Variants in TNR observed in about 807,000 individuals in gnomAD.
The protein encoded by TNR is tenascin R.
TNR carries 45 observed loss-of-function variants against 150.4 expected under a neutral mutation model. The ratio of observed to expected loss-of-function variants is 0.30; its 90% CI spans 0.24 to 0.38. The LOEUF is 0.38. Ranked by LOEUF, TNR falls within the 10% of genes least tolerant of loss-of-function variation. TNR has a pLI of 1.00. For synonymous variants in TNR, 687 were observed against 678.4 expected (o/e 1.01, Z -0.20); for missense variants, 1,544 against 1,759.1 (o/e 0.88, Z 2.19).
At chr1:175,406,090 G>T in intron 3 of TNR, 126 bp downstream of exon 3, 1 of 1,297,264 alleles carries the variant, frequency 7.7e-7, no homozygotes, top group Non-Finnish European at 1.0e-6. Flanking sequence ...CGTGTGAAGA[G>T]ATGCCGGGGT....
At chr1:175,623,883 G>C (rs1236477547) in intron 1 of TNR, among the ~76,000 whole-genome samples, 1 of 152,258 alleles carries the variant, frequency 6.6e-6, no homozygotes, top group Non-Finnish European at 1.5e-5. Flanking sequence ...GTGAAGCCAA[G>C]GCTTGGGCCC....
intron 1 of TNR, among the ~76,000 whole-genome samples, chr1:175,549,027 C>A (rs922317757): frequency 3.3e-5 from 5 of 152,192 alleles, no homozygotes; most frequent in Non-Finnish European, 7.3e-5. Context: ...GCTGCTAGGA[C>A]CAGCACACAA....
At chr1:175,480,451 A>AAGAAAG (rs1557959781) in intron 2 of TNR, among the ~76,000 whole-genome samples, 1 of 151,732 alleles carries the variant, frequency 6.6e-6, no homozygotes, top group African/African-American at 2.4e-5. Context: ...AAGAGAAAGA[A>AAGAAAG]AGAAAGAAAA....
chr1:175,378,240 C>T (rs1053851966), intron 9 of TNR, among the ~76,000 whole-genome samples: 1 of 152,168 alleles, frequency 6.6e-6, no homozygotes, highest in Admixed American at 6.5e-5. Context: ...AGGCATGACT[C>T]GGCTCTCATT....
intron 1 of TNR, among the ~76,000 whole-genome samples, chr1:175,692,479 T>G (rs900537185): frequency 1.3e-5 from 2 of 152,340 alleles, no homozygotes; most frequent in South Asian, 4.1e-4. Flanking sequence ...GTTCCCTTCA[T>G]CCATCTTTCC....
chr1:175,423,850 C>A (rs1654858477), intron 2 of TNR, among the ~76,000 whole-genome samples: 1 of 152,076 alleles, frequency 6.6e-6, no homozygotes, highest in South Asian at 2.1e-4. Context: ...AGGGTCAGAG[C>A]CAGAAGGAGA....
At chr1:175,546,365 G>A (rs771379317) in intron 1 of TNR, among the ~76,000 whole-genome samples, 14 of 152,172 alleles carry the variant, frequency 9.2e-5, no homozygotes, top group Non-Finnish European at 1.9e-4. Flanking sequence ...AGGAAAAATA[G>A]GCTACAGAGT....
rs55981326 is a variant in TNR, at chr1:175,353,851, A to ATTTT, written c.3382+536_3382+539dup. On this transcript the variant is annotated intron_variant, in intron 18 of 22. Coordinates refer to ENST00000367674, the MANE Select transcript of TNR (RefSeq NM_003285.3). Reference sequence around the variant, plus strand: ...AACCTGATTTTTTAAATTTTTATTTATTTTTTTTTTTTGAGACGGAGTCTC... The same window carrying ATTTT: ...AACCTGATTTTTTAAATTTTTATTTATTTTTTTTTTTTTTTTGAGACGGAGTCTC... 9.7e-3 allele frequency among the ~76,000 whole-genome samples: 1,413 copies of ATTTT among 146,194 alleles called. 8 individuals carry two copies. Among genetic ancestry groups the ATTTT allele is most frequent in the Middle Eastern group, 0.014 (4 of 286 alleles).
At chr1:175,669,559 A>G (rs760729126) in intron 1 of TNR, among the ~76,000 whole-genome samples, 1 of 152,182 alleles carries the variant, frequency 6.6e-6, no homozygotes, top group South Asian at 2.1e-4. Context: ...AGGGCATGCA[A>G]TTACCCAGAT....
At chr1:175,389,407 C>T (rs950271536) in intron 7 of TNR, among the ~76,000 whole-genome samples, 2 of 152,240 alleles carry the variant, frequency 1.3e-5, no homozygotes, top group Non-Finnish European at 2.9e-5. Flanking sequence ...TGAGGACCCT[C>T]ATTCCAGTGA....
intron 1 of TNR, among the ~76,000 whole-genome samples, chr1:175,632,458 C>A (rs895065740): frequency 6.6e-6 from 1 of 152,140 alleles, no homozygotes; most frequent in Non-Finnish European, 1.5e-5. Context: ...TATTTTATTT[C>A]ACTTAGAAAA....
intron 9 of TNR, among the ~76,000 whole-genome samples, chr1:175,371,896 G>T (rs930214533): frequency 6.6e-6 from 1 of 152,138 alleles, no homozygotes; most frequent in Non-Finnish European, 1.5e-5. Flanking sequence ...ATTCGAGAGT[G>T]ATTTGGTACC....
Position 175,324,821 on chromosome 1 carries a change from C to T in TNR, c.3794-302G>A, listed in dbSNP as rs574570446. Among the ~76,000 whole-genome samples, 6 of 152,174 alleles carry T rather than the reference C, an allele frequency of 3.9e-5. No individual in the cohort carries two copies. The East Asian group carries it at 1.2e-3, about 29-fold the overall frequency. On this transcript the variant is annotated intron_variant, in intron 21 of 22. Transcript: ENST00000367674. ...CCAACCCTCAGCTGTTTCCTCCCAG[C>T]CTGTACGTGGACACAGGCCACTCAT... is the stretch of plus-strand genomic sequence containing the variant.
At position 175,391,442 on chromosome 1, in the gene TNR, G is replaced by T. The variant is rs2102034986; in HGVS notation, c.1357-4C>A. ...CAATCACTCCCCCTTCATTGTTCTG[G>T]ACAGTGGGGAGAAGCAGAGAGCAAA... On this transcript the variant is annotated splice_region_variant and splice_polypyrimidine_tract_variant and intron_variant, in intron 6 of 22. Coordinates refer to ENST00000367674, the MANE Select transcript of TNR (RefSeq NM_003285.3). The T allele has an allele frequency of 6.2e-7, 1 of 1,613,452 alleles. No homozygotes were observed. Among genetic ancestry groups the T allele is most frequent in the Non-Finnish European group, 8.5e-7 (1 of 1,179,788 alleles).
intron 11 of TNR, 105 bp downstream of exon 11, chr1:175,365,770 C>G: frequency 6.7e-7 from 1 of 1,486,806 alleles, no homozygotes; most frequent in Non-Finnish European, 9.0e-7. Context: ...CCTCTCTTTT[C>G]TCCAAAGGAA....
chr1:175,351,011 A>G (rs963323470), intron 18 of TNR, among the ~76,000 whole-genome samples: 2 of 152,196 alleles, frequency 1.3e-5, no homozygotes, highest in African/African-American at 2.4e-5. Flanking sequence ...GTTGGAAAGG[A>G]TGCTAATTGC....
chr1:175,524,836 G>A (rs1659789028), intron 2 of TNR, among the ~76,000 whole-genome samples: 2 of 152,182 alleles, frequency 1.3e-5, no homozygotes, highest in South Asian at 2.1e-4. Context: ...ACAAGCAGTC[G>A]CCTGTTAGAT....
At chr1:175,539,849 C>A (rs977808536) in intron 1 of TNR, among the ~76,000 whole-genome samples, 8 of 152,128 alleles carry the variant, frequency 5.3e-5, no homozygotes, top group Admixed American at 5.2e-4. Flanking sequence ...TAAACCAAAT[C>A]ATAAGTAGCT....
chr1:175,333,979 G>A (rs1043585700), intron 20 of TNR, among the ~76,000 whole-genome samples: 1 of 152,188 alleles, frequency 6.6e-6, no homozygotes, highest in African/African-American at 2.4e-5. Flanking sequence ...GGAGTCGGGG[G>A]AAGAGCAGGT....
Sources: gnomAD v4.1 joint callset for allele counts (sites outside exome capture counted in the v4.1 genomes callset) on GRCh38, gnomAD v4.1.1 for gene constraint, MANE v1.5 for transcripts, NCBI Gene and HGNC (gene_info 2026-07-23, HGNC 2026-07-21) for gene names.